Variants in CCDC39 observed in about 807,000 individuals in gnomAD.
CCDC39 encodes the protein coiled-coil domain-containing protein 39.
Under a neutral mutation model 121.0 loss-of-function variants are expected in CCDC39, and 113 were observed. The ratio of observed to expected loss-of-function variants is 0.93; its 90% CI spans 0.80 to 1.09. CCDC39 has a LOEUF of 1.09. CCDC39 is among the 50% of genes least tolerant of loss of function. The pLI is 0.00. For synonymous variants in CCDC39, 349 were observed against 352.2 expected (o/e 0.99, Z 0.10); for missense variants, 1,063 against 1,074.7 (o/e 0.99, Z 0.15).
intron 13 of CCDC39, among the ~76,000 whole-genome samples, chr3:180,633,365 CT>C (rs1323496370): frequency 6.6e-6 from 1 of 152,162 alleles, no homozygotes; most frequent in Non-Finnish European, 1.5e-5. Flanking sequence ...AATGTTCAGT[CT>C]TCTAATTAGT....
At chr3:180,652,686 T>C (rs1342288629) in intron 7 of CCDC39, among the ~76,000 whole-genome samples, 1 of 152,170 alleles carries the variant, frequency 6.6e-6, no homozygotes, top group African/African-American at 2.4e-5. Flanking sequence ...TAGTAAACTA[T>C]ATTTTACTAT....
At chr3:180,669,287 C>T (rs545208766) in intron 1 of CCDC39, among the ~76,000 whole-genome samples, 12 of 152,170 alleles carry the variant, frequency 7.9e-5, no homozygotes, top group African/African-American at 2.9e-4. Context: ...ACTACCACCA[C>T]CATCACAACT....
At chr3:180,653,351 T>C (rs566362962) in intron 7 of CCDC39, among the ~76,000 whole-genome samples, 1 of 152,332 alleles carries the variant, frequency 6.6e-6, no homozygotes, top group Admixed American at 6.5e-5. Context: ...CCAAGGATTA[T>C]TATTTTAATA....
intron 1 of CCDC39, among the ~76,000 whole-genome samples, chr3:180,674,535 G>C (rs1481347957): frequency 3.3e-5 from 5 of 152,188 alleles, no homozygotes; most frequent in African/African-American, 4.8e-5. Flanking sequence ...AGTGGTGAGA[G>C]AGGGCATCCC....
At chr3:180,620,643 T>C (rs1717408942) in intron 14 of CCDC39, among the ~76,000 whole-genome samples, 1 of 152,010 alleles carries the variant, frequency 6.6e-6, no homozygotes, top group African/African-American at 2.4e-5. Flanking sequence ...TATACATATA[T>C]ATGTGTATAT....
intron 6 of CCDC39, among the ~76,000 whole-genome samples, chr3:180,656,895 G>T (rs1458605551): frequency 6.6e-6 from 1 of 152,154 alleles, no homozygotes; most frequent in Non-Finnish European, 1.5e-5. Context: ...CTAAAAGGGG[G>T]AGGCATGAAT....
chr3:180,616,099 T>C lies in CCDC39; in HGVS notation c.2669+182A>G, dbSNP rs77479411. Among the ~76,000 whole-genome samples, 1,231 of 152,344 alleles carry C rather than the reference T, an allele frequency of 8.1e-3. 18 individuals are homozygous for C. Among genetic ancestry groups the C allele is most frequent in the African/African-American group, 0.028 (1,166 of 41,588 alleles). On this transcript the variant is annotated intron_variant, in intron 19 of 19. Transcript: ENST00000476379. ...GCAGAAGTCAGAAGGAAATTCTTGTTCTGCTGGCTGTTTCTGCATCTAATC... is the reference window on the plus strand; with the variant it reads ...GCAGAAGTCAGAAGGAAATTCTTGTCCTGCTGGCTGTTTCTGCATCTAATC...
chr3:180,648,781 A>G (rs2108422239), intron 9 of CCDC39, among the ~76,000 whole-genome samples: 1 of 152,312 alleles, frequency 6.6e-6, no homozygotes, highest in Middle Eastern at 3.4e-3. Context: ...GTGAGCAGGT[A>G]AATGTTAAAT....
At chr3:180,665,561 C>T (rs1318984597) in intron 1 of CCDC39, among the ~76,000 whole-genome samples, 1 of 151,908 alleles carries the variant, frequency 6.6e-6, no homozygotes, top group Non-Finnish European at 1.5e-5. Context: ...TTAATTCCCT[C>T]TCGTTTCCTG....
At chr3:180,631,217 C>CAGAG (rs1249730548) in intron 14 of CCDC39, among the ~76,000 whole-genome samples, 1 of 152,136 alleles carries the variant, frequency 6.6e-6, no homozygotes, top group East Asian at 1.9e-4. Flanking sequence ...TTTTGGGAAT[C>CAGAG]AGAGGGCAGT....
intron 16 of CCDC39, among the ~76,000 whole-genome samples, chr3:180,618,807 T>C (rs954955250): frequency 1.3e-5 from 2 of 152,174 alleles, no homozygotes; most frequent in African/African-American, 4.8e-5. Flanking sequence ...CAGTCTATCA[T>C]TGTTGGACAT....
intron 6 of CCDC39, among the ~76,000 whole-genome samples, chr3:180,656,409 T>G (rs1056047554): frequency 2.0e-5 from 3 of 152,230 alleles, no homozygotes; most frequent in African/African-American, 7.2e-5. Flanking sequence ...GAATACAATT[T>G]CAGGATTTTA....
chr3:180,652,090 T>A (rs1711501830), intron 8 of CCDC39, 73 bp downstream of exon 8: 1 of 839,792 alleles, frequency 1.2e-6, no homozygotes, highest in East Asian at 2.9e-5. Context: ...CAACAAATAG[T>A]CTTAAGTATT....
chr3:180,634,110 C>T (rs1183646726), intron 13 of CCDC39, among the ~76,000 whole-genome samples: 2 of 152,154 alleles, frequency 1.3e-5, no homozygotes, highest in Admixed American at 6.5e-5. Flanking sequence ...TCCTTGCTCC[C>T]CAGCAAGCCA....
chr3:180,663,971 C>T lies in CCDC39; in HGVS notation c.106G>A (p.Asp36Asn). The T allele has an allele frequency of 6.2e-7, 1 of 1,611,664 alleles. No homozygotes were observed. Residue 36 changes from aspartate (D) to asparagine (N), a missense_variant, in exon 2 of 20, where the codon GAT (aspartate) becomes AAT (asparagine). Asp to Asn is a conservative substitution (Grantham distance 23). Coordinates refer to ENST00000476379, the MANE Select transcript of CCDC39 (RefSeq NM_181426.2). ...LLEDQLSKLK[D>N]ERASLQDELR... ...TCATCTTGCAAGCTTGCTCTTTCAT[C>T]CTTCAGCTTTGACAACTGTAAATAA...
At chr3:180,677,096 G>GT (rs1045332165) in intron 1 of CCDC39, among the ~76,000 whole-genome samples, 5 of 138,952 alleles carry the variant, frequency 3.6e-5, no homozygotes, top group Non-Finnish European at 7.7e-5. Context: ...GTATACATAT[G>GT]TAACAAACCT....
chr3:180,659,763 T>G lies in CCDC39; in HGVS notation c.523A>C (p.Thr175Pro). ...AAAGTTAGTCTTTCTAATTGCAGAG[T>G]CAGTGCCTATGATGTAATTATATAC... The part of the protein sequence containing the change: ...QQDDNKIRAL[T>P]LQLERLTLEC... The change falls in exon 5 of 20, where the codon ACT (threonine) becomes CCT (proline). Residue 175 changes from threonine to proline, a missense_variant. Physicochemically the swap from Thr to Pro is conservative, Grantham distance 38 (BLOSUM62 -1). Transcript: ENST00000476379. 1 of 1,604,028 alleles carries G rather than the reference T, an allele frequency of 6.2e-7. No individual in the cohort carries two copies. The highest frequency in any genetic ancestry group is 8.5e-7 in the Non-Finnish European group (1 of 1,172,602).
intron 10 of CCDC39, 33 bp from the exon 11 acceptor site, chr3:180,647,276 AAG>A: frequency 6.7e-7 from 1 of 1,500,748 alleles, no homozygotes; most frequent in Non-Finnish European, 8.9e-7. Flanking sequence ...AGGTATTACA[AAG>A]AAAAAAAAAG....
chr3:180,646,304 C>A (rs1444434025), intron 11 of CCDC39, among the ~76,000 whole-genome samples: 1 of 151,970 alleles, frequency 6.6e-6, no homozygotes, highest in Non-Finnish European at 1.5e-5. Flanking sequence ...TAATAACTCT[C>A]CACCTTTTGC....
Sources: allele counts gnomAD v4.1 joint callset (sites outside exome capture counted in the v4.1 genomes callset), GRCh38; gene constraint gnomAD v4.1.1; transcripts MANE v1.5; gene names NCBI Gene and HGNC (gene_info 2026-07-23, HGNC 2026-07-21).